SLC45A4: variants seen among roughly 807,000 people sequenced by gnomAD.
The protein encoded by SLC45A4 is solute carrier family 45 member 4.
Under a neutral mutation model 63.7 loss-of-function variants are expected in SLC45A4, and 32 were observed. The ratio of observed to expected loss-of-function variants is 0.50; its 90% CI spans 0.38 to 0.67. The LOEUF (loss-of-function observed/expected upper bound fraction) is 0.67. Among genes scored for constraint, SLC45A4 ranks in the 30% least tolerant of loss-of-function variants. The pLI is 0.00. For missense variants in SLC45A4, 1,027 were observed against 1,157.7 expected, an observed-to-expected ratio of 0.89 and a Z score of 1.64; for synonymous variants, 535 against 510.0, an observed-to-expected ratio of 1.05 and a Z score of -0.66.
intron 2 of SLC45A4, among the ~76,000 whole-genome samples, chr8:141,249,139 A>C (rs1217915783): frequency 6.6e-6 from 1 of 152,240 alleles, no homozygotes; most frequent in Non-Finnish European, 1.5e-5. Context: ...GATGTGGAGA[A>C]ATGGGAACTG....
chr8:141,264,948 A>G (rs1042198697), intron 1 of SLC45A4, among the ~76,000 whole-genome samples: 10 of 152,248 alleles, frequency 6.6e-5, no homozygotes, highest in Non-Finnish European at 1.2e-4. Flanking sequence ...TCATGCTGGA[A>G]AGGCCCCTGT....
chr8:141,277,237 T>C (rs1338190272), intron 1 of SLC45A4, among the ~76,000 whole-genome samples: 3 of 152,210 alleles, frequency 2.0e-5, no homozygotes, highest in Non-Finnish European at 4.4e-5. Flanking sequence ...ATCTTCCTCA[T>C]CTGGGGACAC....
At chr8:141,279,278 C>T (rs116184962) in intron 1 of SLC45A4, among the ~76,000 whole-genome samples, 2,151 of 152,336 alleles carry the variant, frequency 0.014, 46 homozygotes, top group African/African-American at 0.049. Context: ...GGATGGCTGC[C>T]AGGTGAAGGA....
Position 141,218,272 on chromosome 8 carries a change from GCT to G in SLC45A4, c.1366_1367del (p.Ser456ArgfsTer30). The G allele has an allele frequency of 1.2e-6, 2 of 1,603,776 alleles. No homozygotes were observed. Among genetic ancestry groups the G allele is most frequent in the South Asian group, 2.2e-5 (2 of 91,072 alleles). Reference protein sequence around the residue: ...VVLIKPSRSMSDLYDMQKRQR... With the variant: ...VVLIKPSRSMXDLYDMQKRQR... ...GCCGCTTCTGCATGTCGTACAGGTC[GCT>G]CATGCTGCGCGACGGCTTGATCAGC... On this transcript the variant is annotated frameshift_variant, in exon 5 of 9. Transcript: ENST00000517878. LOFTEE classifies it high-confidence loss of function.
intron 5 of SLC45A4, 87 bp from the exon 6 acceptor site, chr8:141,217,276 G>T (rs1356542393): frequency 1.5e-6 from 2 of 1,375,054 alleles, no homozygotes; most frequent in Admixed American, 3.8e-5. Context: ...ACTGCTGGCC[G>T]GCTGCTCATT....
chr8:141,295,502 C>G (rs1411768171), intron 1 of SLC45A4, among the ~76,000 whole-genome samples: 1 of 152,240 alleles, frequency 6.6e-6, no homozygotes, highest in African/African-American at 2.4e-5. Context: ...CTACCGCACT[C>G]AGCAGGGGAC....
At chr8:141,307,103 T>A (rs1049050659) in intron 1 of SLC45A4, among the ~76,000 whole-genome samples, 3 of 151,042 alleles carry the variant, frequency 2.0e-5, no homozygotes, top group Admixed American at 6.6e-5. Flanking sequence ...CAGCCCTCCC[T>A]AGCCCCCGCC....
At chr8:141,224,037 C>A (rs1277210860) in intron 2 of SLC45A4, among the ~76,000 whole-genome samples, 1 of 150,632 alleles carries the variant, frequency 6.6e-6, no homozygotes, top group Non-Finnish European at 1.5e-5. Flanking sequence ...ATAGGAGGGG[C>A]TCTGCTGACG....
In SLC45A4 at chr8:141,210,973, C is replaced by G. The variant is rs888764637; in HGVS notation, c.*599G>C. On this transcript the variant is annotated 3_prime_UTR_variant, in exon 9 of 9. Transcript: ENST00000517878. ...GACTGTGCGGAGCCCTCCGGTGACA[C>G]GGGCCTTAGCTGTCCCAGACGTCTG... 2 of 154,780 alleles carry G rather than the reference C, an allele frequency of 1.3e-5. No individual in the cohort carries two copies. The highest frequency in any genetic ancestry group is 2.4e-5 in the African/African-American group (1 of 41,562). The allele number at this position is 154,780 out of a possible 1,614,324, so 9.6% of individuals were successfully genotyped here. A position where few individuals can be genotyped will look rare whatever the true frequency, so the allele number is the denominator to read the frequency against.
intron 1 of SLC45A4, among the ~76,000 whole-genome samples, chr8:141,274,945 A>G (rs746277429): frequency 9.9e-5 from 15 of 152,240 alleles, no homozygotes; most frequent in Non-Finnish European, 1.8e-4. Flanking sequence ...TCAGAGGGCC[A>G]CTGCGGATGG....
chr8:141,264,216 T>C (rs1829165155), intron 1 of SLC45A4, among the ~76,000 whole-genome samples: 1 of 152,176 alleles, frequency 6.6e-6, no homozygotes, highest in African/African-American at 2.4e-5. Flanking sequence ...TGGATCCATA[T>C]GCTCGAGTGT....
chr8:141,307,554 G>C (rs1399486177), intron 1 of SLC45A4, among the ~76,000 whole-genome samples: 1 of 149,094 alleles, frequency 6.7e-6, no homozygotes, highest in Non-Finnish European at 1.5e-5. Context: ...GGGGAAGAAG[G>C]GAGTGTGTTC....
chr8:141,286,599 C>T (rs979176299), intron 1 of SLC45A4, among the ~76,000 whole-genome samples: 17 of 152,168 alleles, frequency 1.1e-4, no homozygotes, highest in African/African-American at 4.1e-4. Context: ...GCATTTGACC[C>T]TGCTTCCTAC....
At chr8:141,262,708 G>A (rs1319147960) in intron 1 of SLC45A4, among the ~76,000 whole-genome samples, 1 of 152,144 alleles carries the variant, frequency 6.6e-6, no homozygotes, top group Non-Finnish European at 1.5e-5. Flanking sequence ...TAAAAAGTCA[G>A]AAACAACAGG....
chr8:141,303,165 T>C (rs1054863550), intron 1 of SLC45A4, among the ~76,000 whole-genome samples: 2 of 151,906 alleles, frequency 1.3e-5, no homozygotes, highest in Non-Finnish European at 2.9e-5. Context: ...ATCCGGCTAA[T>C]TTTTTTGTAT....
chr8:141,256,165 C>A lies in SLC45A4; in HGVS notation c.-400-1536G>T, dbSNP rs750718613. Among the ~76,000 whole-genome samples the A allele has an allele frequency of 6.6e-6, 1 of 152,176 alleles. No individual in the cohort carries two copies. Among genetic ancestry groups the A allele is most frequent in the Non-Finnish European group, 1.5e-5 (1 of 68,026 alleles). The stretch of plus-strand genomic sequence containing the variant: ...TTGGAAATGTTTTAGGAAATGAGGT[C>A]AATCTCTCCTCAGGTAAGATAAGAT... On this transcript the variant is annotated intron_variant, in intron 1 of 8. Coordinates refer to ENST00000517878, the MANE Select transcript of SLC45A4 (RefSeq NM_001286646.2). This position sits in a 1 kb window ranked among gnomAD's most constrained non-coding sequence, Gnocchi z 4.3.
In SLC45A4 at chr8:141,256,010, G is replaced by A. The variant is rs117890012; in HGVS notation, c.-400-1381C>T. 1.3e-3 allele frequency among the ~76,000 whole-genome samples: 203 copies of A among 152,192 alleles called. 1 individual carries two copies. Among genetic ancestry groups the A allele is most frequent in the East Asian group, 0.011 (58 of 5,176 alleles). ...CACACGCAGCTTTCCCAGGGTCTAC[G>A]GAACCCTATCACCCCAACCCTCGGC... On this transcript the variant is annotated intron_variant, in intron 1 of 8. Coordinates refer to ENST00000517878, the MANE Select transcript of SLC45A4 (RefSeq NM_001286646.2). The surrounding 1 kb of genome is among the most constrained non-coding windows in gnomAD (Gnocchi z 4.3).
chr8:141,234,820 T>A (rs972719325), intron 2 of SLC45A4, among the ~76,000 whole-genome samples: 1 of 151,948 alleles, frequency 6.6e-6, no homozygotes, highest in Non-Finnish European at 1.5e-5. Flanking sequence ...CTCTGGCCCC[T>A]CCCCCCAGCA....
chr8:141,217,215 G>A, intron 5 of SLC45A4, 26 bp from the exon 6 acceptor site: 3 of 1,609,128 alleles, frequency 1.9e-6, no homozygotes, highest in Non-Finnish European at 2.5e-6. Flanking sequence ...GACGGGGGCT[G>A]ACGAGGGCAT....
Sources: gnomAD v4.1 joint callset for allele counts (sites outside exome capture counted in the v4.1 genomes callset) on GRCh38, gnomAD v4.1.1 for gene constraint, Gnocchi (gnomAD v3.1) non-coding constraint, MANE v1.5 for transcripts, NCBI Gene and HGNC (gene_info 2026-07-23, HGNC 2026-07-21) for gene names.